The following FILIP1L variants were observed in gnomAD, a reference collection of about 807,000 sequenced individuals.
FILIP1L encodes filamin A interacting protein 1 like.
A neutral mutation model predicts 96.6 loss-of-function variants in FILIP1L; 55 were observed. The observed-to-expected ratio is 0.57, with a 90% CI of 0.46 to 0.71. The LOEUF (loss-of-function observed/expected upper bound fraction) is 0.71, where lower values mean the gene tolerates loss of function less well. FILIP1L is among the 30% of genes least tolerant of loss of function. The pLI is 0.00. For missense variants in FILIP1L, 1,304 were observed against 1,321.2 expected, an observed-to-expected ratio of 0.99 and a Z score of 0.20; for synonymous variants, 467 against 473.9, an observed-to-expected ratio of 0.99 and a Z score of 0.19.
intron 1 of FILIP1L, among the ~76,000 whole-genome samples, chr3:99,954,720 G>A (rs934261060): frequency 3.9e-5 from 6 of 152,070 alleles, no homozygotes; most frequent in African/African-American, 9.7e-5. Flanking sequence ...CAGCTACTCA[G>A]GAGGCTGAGG....
At chr3:100,051,841 A>G (rs2065379339) in intron 1 of FILIP1L, among the ~76,000 whole-genome samples, 1 of 148,912 alleles carries the variant, frequency 6.7e-6, no homozygotes, top group Non-Finnish European at 1.5e-5. Flanking sequence ...ATTTTATTAT[A>G]TATATTTTTT....
At chr3:99,911,038 G>A (rs972926526) in intron 4 of FILIP1L, among the ~76,000 whole-genome samples, 33 of 152,160 alleles carry the variant, frequency 2.2e-4, no homozygotes, top group Non-Finnish European at 3.7e-4. Context: ...TCTCATTGCC[G>A]TTTGTTCATT....
Position 99,960,556 on chromosome 3 carries a change from T to C in FILIP1L, c.-10-29526A>G, listed in dbSNP as rs929493819. Among the ~76,000 whole-genome samples the C allele has an allele frequency of 3.9e-5, 6 of 152,276 alleles. No homozygotes were observed. The East Asian group carries it at 1.2e-3, about 29-fold the overall frequency. On this transcript the variant is annotated intron_variant, in intron 1 of 5. Transcript: ENST00000477258. ...AATCTCCCTCCTCACCTCCTGTAGG[T>C]CTTGCCCAAATCATTCTTTAGCATC...
At chr3:100,009,150 G>T (rs753854235) in intron 1 of FILIP1L, among the ~76,000 whole-genome samples, 15 of 152,142 alleles carry the variant, frequency 9.9e-5, no homozygotes, top group Admixed American at 6.6e-5. Flanking sequence ...GAGTGCAAGT[G>T]ACTGAACTTA....
chr3:99,988,362 A>T (rs1709412178), intron 1 of FILIP1L, among the ~76,000 whole-genome samples: 1 of 149,824 alleles, frequency 6.7e-6, no homozygotes. Flanking sequence ...AAAAAAAAAA[A>T]ATTAGCCAGG....
At chr3:100,110,181 G>T (rs1264293328) in intron 1 of FILIP1L, among the ~76,000 whole-genome samples, 1 of 151,996 alleles carries the variant, frequency 6.6e-6, no homozygotes, top group African/African-American at 2.4e-5. Flanking sequence ...ATCTAAAACT[G>T]GAGGGGAAAA....
At chr3:99,934,202 A>G (rs1490189929) in intron 1 of FILIP1L, among the ~76,000 whole-genome samples, 1 of 152,222 alleles carries the variant, frequency 6.6e-6, no homozygotes, top group Non-Finnish European at 1.5e-5. Flanking sequence ...ATGTCAGCCC[A>G]GATTCAAGAT....
chr3:99,883,631 A>C, intron 4 of FILIP1L, among the ~76,000 whole-genome samples: 1 of 152,076 alleles, frequency 6.6e-6, no homozygotes, highest in East Asian at 1.9e-4. Context: ...ACAACTGCAC[A>C]CCCAAATGTT....
chr3:99,956,092 A>G (rs1443882224), intron 1 of FILIP1L, among the ~76,000 whole-genome samples: 1 of 152,166 alleles, frequency 6.6e-6, no homozygotes, highest in African/African-American at 2.4e-5. Context: ...GGTCCTGTCA[A>G]TAATAGATTT....
At chr3:100,034,021 A>G (rs931953446) in intron 1 of FILIP1L, among the ~76,000 whole-genome samples, 1 of 152,238 alleles carries the variant, frequency 6.6e-6, no homozygotes, top group Non-Finnish European at 1.5e-5. Context: ...TTGAAGAAAC[A>G]TGGTGCTATT....
intron 1 of FILIP1L, among the ~76,000 whole-genome samples, chr3:100,000,509 C>T (rs771432814): frequency 2.0e-5 from 3 of 152,020 alleles, no homozygotes; most frequent in South Asian, 4.1e-4. Context: ...AGGGTAAAAA[C>T]GGGTGAAAAT....
intron 4 of FILIP1L, among the ~76,000 whole-genome samples, chr3:99,909,859 G>A (rs1706737350): frequency 6.6e-6 from 1 of 152,154 alleles, no homozygotes; most frequent in Non-Finnish European, 1.5e-5. Context: ...GTCACAGTCT[G>A]CAACCCCTTT....
intron 1 of FILIP1L, among the ~76,000 whole-genome samples, chr3:100,022,520 A>G (rs1287927706): frequency 6.6e-6 from 1 of 152,186 alleles, no homozygotes; most frequent in Non-Finnish European, 1.5e-5. Flanking sequence ...CATATATCTT[A>G]TATTGGACCT....
At chr3:99,844,792 A>G (rs1943289101) in intron 5 of FILIP1L, among the ~76,000 whole-genome samples, 1 of 152,142 alleles carries the variant, frequency 6.6e-6, no homozygotes, top group South Asian at 2.1e-4. Context: ...TTCTTGTGAT[A>G]CTGAGGGAGT....
chr3:99,920,229 A>G (rs1188097731), intron 4 of FILIP1L, among the ~76,000 whole-genome samples: 1 of 152,228 alleles, frequency 6.6e-6, no homozygotes, highest in Non-Finnish European at 1.5e-5. Flanking sequence ...GAATTCTAAG[A>G]AAGAATGCAT....
chr3:99,950,241 A>G (rs1164997490), intron 1 of FILIP1L, among the ~76,000 whole-genome samples: 2 of 152,286 alleles, frequency 1.3e-5, no homozygotes, highest in African/African-American at 2.4e-5. Context: ...TGTCCATGCT[A>G]TGTATCGGAA....
intron 4 of FILIP1L, among the ~76,000 whole-genome samples, chr3:99,887,170 A>C (rs1270713432): frequency 6.6e-6 from 1 of 151,866 alleles, no homozygotes; most frequent in African/African-American, 2.4e-5. Flanking sequence ...TCGAGAGGCT[A>C]ACAGGAGAAT....
intron 1 of FILIP1L, among the ~76,000 whole-genome samples, chr3:99,934,179 A>G (rs1211637540): frequency 6.6e-6 from 1 of 152,202 alleles, no homozygotes; most frequent in Admixed American, 6.5e-5. Flanking sequence ...CTCATTTGTG[A>G]AAGAATGTCA....
In FILIP1L at chr3:99,938,937, A is replaced by T. The variant is rs141255460; in HGVS notation, c.-10-7907T>A. Among the ~76,000 whole-genome samples, 696 of 152,364 alleles carry T rather than the reference A, an allele frequency of 4.6e-3. 2 individuals carry two copies. Among genetic ancestry groups the T allele is most frequent in the South Asian group, 7.0e-3 (34 of 4,824 alleles). The stretch of plus-strand genomic sequence containing the variant: ...CTGATGGCTAAAAAAAGACAATTGA[A>T]AACAAGATAACCTAATTTAGTAATT... On this transcript the variant is annotated intron_variant, in intron 1 of 5. Transcript: ENST00000477258.
Sources: gnomAD v4.1 joint callset for allele counts (sites outside exome capture counted in the v4.1 genomes callset) on GRCh38, gnomAD v4.1.1 for gene constraint, MANE v1.5 for transcripts, NCBI Gene and HGNC (gene_info 2026-07-23, HGNC 2026-07-21) for gene names.